Variants in MIR2052HG observed in about 807,000 individuals in gnomAD.
The protein encoded by MIR2052HG is MIR2052 host gene.
intron 2 of MIR2052HG, among the ~76,000 whole-genome samples, chr8:74,637,927 T>C (rs1452251046): frequency 6.6e-6 from 1 of 152,204 alleles, no homozygotes; most frequent in Non-Finnish European, 1.5e-5. Context: ...TGTGTTTGAC[T>C]CTAGGGATAT....
intron 4 of MIR2052HG, among the ~76,000 whole-genome samples, chr8:74,730,410 T>C (rs1809679544): frequency 6.6e-6 from 1 of 152,204 alleles, no homozygotes; most frequent in Non-Finnish European, 1.5e-5. Context: ...AAAGAGTTTC[T>C]ACTGTTCATA....
chr8:74,682,821 TAGA>T (rs1809140269), intron 2 of MIR2052HG, among the ~76,000 whole-genome samples: 1 of 152,058 alleles, frequency 6.6e-6, no homozygotes, highest in African/African-American at 2.4e-5. Context: ...GATTTTTTAG[TAGA>T]AGGATTGTTA....
At chr8:74,602,516 C>CTTTTT (rs746190655) in intron 1 of MIR2052HG, among the ~76,000 whole-genome samples, 2 of 147,020 alleles carry the variant, frequency 1.4e-5, no homozygotes, top group Non-Finnish European at 3.0e-5. Context: ...TCTTTTCTTT[C>CTTTTT]TTTCTTTTTT....
chr8:74,639,125 T>C (rs1297103736), intron 2 of MIR2052HG, among the ~76,000 whole-genome samples: 1 of 152,156 alleles, frequency 6.6e-6, no homozygotes, highest in Non-Finnish European at 1.5e-5. Context: ...GAGATCCACA[T>C]TTGAAAAGTG....
intron 2 of MIR2052HG, among the ~76,000 whole-genome samples, chr8:74,646,033 C>A (rs1055210862): frequency 6.6e-6 from 1 of 152,172 alleles, no homozygotes; most frequent in Non-Finnish European, 1.5e-5. Context: ...ATTTGCAAAG[C>A]TTTGTGCTAA....
At chr8:74,696,069 A>T (rs181921201) in intron 2 of MIR2052HG, among the ~76,000 whole-genome samples, 1 of 152,170 alleles carries the variant, frequency 6.6e-6, no homozygotes, top group South Asian at 2.1e-4. Flanking sequence ...ACCATATAAT[A>T]GGCCACAAAA....
chr8:74,713,629 A>G (rs1809491707), intron 4 of MIR2052HG, among the ~76,000 whole-genome samples: 1 of 152,156 alleles, frequency 6.6e-6, no homozygotes, highest in African/African-American at 2.4e-5. Context: ...CTGATACCAT[A>G]GGATGCTAAT....
intron 2 of MIR2052HG, among the ~76,000 whole-genome samples, chr8:74,650,422 C>A (rs1808739787): frequency 6.6e-6 from 1 of 152,142 alleles, no homozygotes; most frequent in South Asian, 2.1e-4. Flanking sequence ...ATACCACAAT[C>A]ATTTTATCCA....
chr8:74,622,639 G>GA (rs1808378925), intron 2 of MIR2052HG, among the ~76,000 whole-genome samples: 1 of 149,476 alleles, frequency 6.7e-6, no homozygotes, highest in Admixed American at 6.6e-5. Flanking sequence ...AAGAAAAGAC[G>GA]AAAAAAGAAA....
At chr8:74,607,915 G>A (rs932103770) in intron 1 of MIR2052HG, among the ~76,000 whole-genome samples, 5 of 152,182 alleles carry the variant, frequency 3.3e-5, no homozygotes, top group African/African-American at 9.6e-5. Context: ...GGCACACAAG[G>A]GAGAAAGCAA....
chr8:74,601,645 G>A (rs994855049), intron 1 of MIR2052HG, among the ~76,000 whole-genome samples: 1 of 152,008 alleles, frequency 6.6e-6, no homozygotes, highest in African/African-American at 2.4e-5. Context: ...AACCTTTCTT[G>A]TTTTCTCCAC....
At chr8:74,681,031 G>T (rs1809118248) in intron 2 of MIR2052HG, among the ~76,000 whole-genome samples, 1 of 140,162 alleles carries the variant, frequency 7.1e-6, no homozygotes, top group Admixed American at 7.7e-5. Flanking sequence ...CATGGACACA[G>T]GAAGGGGAAC....
chr8:74,690,208 A>G (rs1809225139), intron 2 of MIR2052HG, among the ~76,000 whole-genome samples: 1 of 152,174 alleles, frequency 6.6e-6, no homozygotes, highest in African/African-American at 2.4e-5. Context: ...GACTTATTAT[A>G]TGTTATGTTG....
rs1338395340 is a variant in MIR2052HG, at chr8:74,602,815, G to GTCTTTCTTTCTTTCTTTCTT, written n.128+2908_128+2909insCTTTCTTTCTTTCTTTCTTT. Among the ~76,000 whole-genome samples, 84 of 22,550 alleles carry GTCTTTCTTTCTTTCTTTCTT rather than the reference G, an allele frequency of 3.7e-3. 3 individuals carry two copies. Among genetic ancestry groups the GTCTTTCTTTCTTTCTTTCTT allele is most frequent in the African/African-American group, 0.012 (58 of 4,958 alleles). The allele number at this position is 22,550 out of a possible 152,430, so 14.8% of individuals were successfully genotyped here. A position where few individuals can be genotyped will look rare whatever the true frequency, so the allele number is the denominator to read the frequency against. On this transcript the variant is annotated intron_variant and non_coding_transcript_variant, in intron 1 of 6. Transcript: ENST00000523442. ...TGGATGTGAGCTGCCATGCCCGGCC[G>GTCTTTCTTTCTTTCTTTCTT]TGTTTCTTTCTTTCTTTCTTTCTTT...
At chr8:74,603,222 A>G in intron 1 of MIR2052HG, 1 of 1,219,744 alleles carries the variant, frequency 8.2e-7, no homozygotes, top group South Asian at 1.2e-5. Flanking sequence ...CTGTTCAGAA[A>G]CTACACAGAT....
intron 2 of MIR2052HG, among the ~76,000 whole-genome samples, chr8:74,661,515 A>C (rs1808865268): frequency 6.6e-6 from 1 of 152,146 alleles, no homozygotes; most frequent in African/African-American, 2.4e-5. Context: ...CCTTCTTAAC[A>C]TTAAAGATAA....
intron 4 of MIR2052HG, among the ~76,000 whole-genome samples, chr8:74,708,722 A>G (rs905951157): frequency 2.0e-4 from 31 of 152,066 alleles, no homozygotes; most frequent in Non-Finnish European, 4.0e-4. Flanking sequence ...ATGTGTTAGT[A>G]AATTCTGAAA....
intron 2 of MIR2052HG, among the ~76,000 whole-genome samples, chr8:74,684,349 A>T (rs553048896): frequency 1.6e-4 from 25 of 152,136 alleles, no homozygotes; most frequent in Admixed American, 1.4e-3. Flanking sequence ...GCCAAACCAA[A>T]CTACGCAAAC....
rs556356208 is a variant in MIR2052HG at position 74,642,316 on chromosome 8, T to C, written n.216+29376T>C. Among the ~76,000 whole-genome samples, 77 of 152,240 alleles carry C rather than the reference T, an allele frequency of 5.1e-4. No individual in the cohort carries two copies. The South Asian group carries it at 0.012, about 25-fold the overall frequency. ...GTCATTTTTAAGTTCTGAAGAACTT[T>C]AGGAAGATTATAGGAAGCTTGCTTT... is the stretch of plus-strand genomic sequence containing the variant. On this transcript the variant is annotated intron_variant and non_coding_transcript_variant, in intron 2 of 6. Transcript: ENST00000523442.
Sources: gnomAD v4.1 joint callset for allele counts (sites outside exome capture counted in the v4.1 genomes callset) on GRCh38, gnomAD v4.1.1 for gene constraint, MANE v1.5 for transcripts, NCBI Gene and HGNC (gene_info 2026-07-23, HGNC 2026-07-21) for gene names.